Variants in METTL8 observed in about 807,000 individuals in gnomAD.
METTL8 encodes the protein methyltransferase 8, tRNA N3-cytidine.
Under a neutral mutation model 48.7 loss-of-function variants are expected in METTL8, and 32 were observed. The observed-to-expected ratio is 0.66, with a 90% CI of 0.50 to 0.88. METTL8 has a LOEUF of 0.88. METTL8 is among the 40% of genes least tolerant of loss of function. The pLI is 0.00. For missense variants in METTL8, 464 were observed against 474.4 expected (o/e 0.98, Z 0.20); for synonymous variants, 136 against 157.1 (o/e 0.87, Z 1.01).
At chr2:171,399,097 T>A (rs765750007) in intron 1 of METTL8, among the ~76,000 whole-genome samples, 9 of 152,256 alleles carry the variant, frequency 5.9e-5, no homozygotes, top group Non-Finnish European at 1.2e-4. Flanking sequence ...CAGCTCACCA[T>A]CCTATGAAGG....
At chr2:171,327,389 G>A (rs1685064743) in intron 7 of METTL8, among the ~76,000 whole-genome samples, 1 of 152,220 alleles carries the variant, frequency 6.6e-6, no homozygotes, top group South Asian at 2.1e-4. Flanking sequence ...AGCTCATTGC[G>A]AGTTACCGAG....
intron 1 of METTL8, among the ~76,000 whole-genome samples, chr2:171,410,154 C>T (rs1017500176): frequency 2.0e-5 from 3 of 152,136 alleles, no homozygotes; most frequent in African/African-American, 4.8e-5. Flanking sequence ...CACCTATGAA[C>T]GGTCTTATTC....
In METTL8 at chr2:171,327,463, G is replaced by C. The variant is rs80070498; in HGVS notation, c.861-1315C>G. Among the ~76,000 whole-genome samples, 271 of 152,338 alleles carry C rather than the reference G, an allele frequency of 1.8e-3. 4 individuals carry two copies. In the East Asian group the frequency reaches 0.036, roughly 20 times the overall value. The stretch of plus-strand genomic sequence containing the variant: ...TGGTAAATGGCAGCTTGTGTGCTAA[G>C]TCCTTGTCTCTGCCTTATCTAAGCT... On this transcript the variant is annotated intron_variant, in intron 7 of 9. Coordinates refer to ENST00000375258, the MANE Select transcript of METTL8 (RefSeq NM_001321154.2).
chr2:171,359,127 C>T (rs995933955), intron 3 of METTL8, among the ~76,000 whole-genome samples: 1 of 144,998 alleles, frequency 6.9e-6, no homozygotes, highest in Non-Finnish European at 1.5e-5. Context: ...TGCAGTGAGC[C>T]ATGATCTCAT....
chr2:171,388,634 A>G (rs190577411), intron 2 of METTL8, among the ~76,000 whole-genome samples: 37 of 152,338 alleles, frequency 2.4e-4, no homozygotes, highest in Non-Finnish European at 4.6e-4. Context: ...AAATACAGGC[A>G]TATCTTGTAT....
At position 171,324,285 on chromosome 2, in the gene METTL8, T is replaced by C. The variant is rs1684708399; in HGVS notation, c.1111A>G (p.Arg371Gly). 1.3e-6 allele frequency: 2 copies of C among 1,551,692 alleles called. No individual in the cohort carries two copies. The highest frequency in any genetic ancestry group is 1.2e-5 in the South Asian group (1 of 84,064). ...CGGTGCATTTTCACTTGTTTTTTCC[T>C]ATTAACTTGTAAGCGGCGATCAACC... ...NLVDRRLQVN[R>G]KKQVKMHRVW... Residue 371 changes from arginine to glycine, a missense_variant, in exon 10 of 10, where the codon AGG becomes GGG. Physicochemically the swap from Arg to Gly is moderately radical, Grantham distance 125 (BLOSUM62 -2). Transcript: ENST00000375258.
At chr2:171,355,101 T>C (rs1164565410) in intron 3 of METTL8, among the ~76,000 whole-genome samples, 1 of 152,242 alleles carries the variant, frequency 6.6e-6, no homozygotes, top group Non-Finnish European at 1.5e-5. Flanking sequence ...TTTGTGGTTT[T>C]ATCTACCTTT....
chr2:171,389,001 CCT>C (rs1284574382), intron 2 of METTL8, among the ~76,000 whole-genome samples: 1 of 152,130 alleles, frequency 6.6e-6, no homozygotes, highest in East Asian at 1.9e-4. Flanking sequence ...TCCCCTACTC[CCT>C]GAGACAAAAC....
intron 1 of METTL8, among the ~76,000 whole-genome samples, chr2:171,425,298 G>C (rs749344010): frequency 2.6e-5 from 4 of 152,126 alleles, no homozygotes; most frequent in African/African-American, 7.2e-5. Flanking sequence ...TATATACTCT[G>C]GAGCAACTCT....
chr2:171,331,141 T>G (rs1685483030), intron 6 of METTL8, among the ~76,000 whole-genome samples: 1 of 152,166 alleles, frequency 6.6e-6, no homozygotes, highest in South Asian at 2.1e-4. Flanking sequence ...AGACACAGTC[T>G]TGCTCTGTCA....
At chr2:171,369,729 G>A (rs1281242319) in intron 2 of METTL8, among the ~76,000 whole-genome samples, 1 of 152,226 alleles carries the variant, frequency 6.6e-6, no homozygotes, top group Non-Finnish European at 1.5e-5. Flanking sequence ...ATGCAAAGAT[G>A]TATGGCTAAA....
rs535421066 is a variant in METTL8, at chr2:171,390,338, T to C, written c.143+1705A>G. On this transcript the variant is annotated intron_variant, in intron 2 of 9. Transcript: ENST00000375258. ...TGCTTTCATGCCAACTAACACAATA[T>C]CCATTCTGCAGCCCTTGGATCAAGA... Among the ~76,000 whole-genome samples the C allele has an allele frequency of 3.3e-5, 5 of 152,312 alleles. No individual in the cohort carries two copies. The South Asian group carries it at 8.3e-4, about 25-fold the overall frequency.
At chr2:171,427,666 C>T (rs564321754) in intron 1 of METTL8, among the ~76,000 whole-genome samples, 28 of 152,324 alleles carry the variant, frequency 1.8e-4, no homozygotes, top group African/African-American at 5.3e-4. Context: ...CTCTTTAGAA[C>T]GGCCTTCCCT....
At chr2:171,425,896 C>T (rs963164348) in intron 1 of METTL8, among the ~76,000 whole-genome samples, 3 of 152,156 alleles carry the variant, frequency 2.0e-5, no homozygotes, top group Admixed American at 6.5e-5. Context: ...TGGTGGCTCA[C>T]GCCTGTAATC....
chr2:171,367,666 CAACT>C (rs1291481218), intron 2 of METTL8, among the ~76,000 whole-genome samples: 1 of 152,040 alleles, frequency 6.6e-6, no homozygotes, highest in African/African-American at 2.4e-5. Context: ...TTAAAAAACT[CAACT>C]AACTATATAT....
At chr2:171,434,602 G>A (rs752565445), upstream of METTL8, 2 of 1,528,030 alleles carry the variant, frequency 1.3e-6, no homozygotes, top group South Asian at 1.2e-5. Context: ...GAAGCCCAAC[G>A]TGTGCAGCCG....
At chr2:171,393,659 A>T (rs536211125) in intron 1 of METTL8, among the ~76,000 whole-genome samples, 1 of 152,352 alleles carries the variant, frequency 6.6e-6, no homozygotes, top group East Asian at 1.9e-4. Flanking sequence ...TCATCACAAC[A>T]TTCAGCCTAA....
chr2:171,357,416 A>T (rs1197317633), intron 3 of METTL8, among the ~76,000 whole-genome samples: 1 of 152,246 alleles, frequency 6.6e-6, no homozygotes, highest in Non-Finnish European at 1.5e-5. Context: ...AAATCAAGAA[A>T]GCAATCCCAT....
At chr2:171,390,891 A>C (rs1461598593) in intron 2 of METTL8, among the ~76,000 whole-genome samples, 1 of 152,246 alleles carries the variant, frequency 6.6e-6, no homozygotes, top group Admixed American at 6.5e-5. Flanking sequence ...TCTAAATATT[A>C]AACAAAATAT....
Sources: allele counts gnomAD v4.1 joint callset (sites outside exome capture counted in the v4.1 genomes callset), GRCh38; gene constraint gnomAD v4.1.1; transcripts MANE v1.5; gene names NCBI Gene and HGNC (gene_info 2026-07-23, HGNC 2026-07-21).